TSPAN10: variants seen among roughly 807,000 people sequenced by gnomAD.
TSPAN10 encodes tetraspanin 10.
In TSPAN10, 11 loss-of-function variants were observed where a neutral mutation model predicts 15.0. The ratio of observed to expected loss-of-function variants is 0.73; its 90% CI spans 0.46 to 1.21. TSPAN10 has a LOEUF of 1.21. Among genes scored for constraint, TSPAN10 ranks in the 50% most tolerant of loss-of-function variants. The pLI, the probability that TSPAN10 is intolerant of heterozygous loss-of-function variation, is 0.00. For missense variants in TSPAN10, 486 were observed against 470.6 expected (o/e 1.03, Z -0.30); for synonymous variants, 241 against 226.2 (o/e 1.07, Z -0.59).
exon 3 of TSPAN10, chr17:81,647,947 G>C (rs746648286): frequency 6.2e-7 from 1 of 1,609,236 alleles, no homozygotes; most frequent in Non-Finnish European, 8.5e-7. Context: ...CAGCCTTCCC[G>C]CCTCCTGCTG....
chr17:81,639,351 G>GCA (rs2036156046), upstream of TSPAN10, among the ~76,000 whole-genome samples: 1 of 151,692 alleles, frequency 6.6e-6, no homozygotes, highest in African/African-American at 2.4e-5. Context: ...GAGATTACAA[G>GCA]CGTGCGCTAC....
chr17:81,642,628 G>A (rs9912071), intron 1 of TSPAN10, among the ~76,000 whole-genome samples, 180 bp downstream of exon 2: 97,169 of 152,104 alleles, frequency 0.64, 32,614 homozygotes, highest in East Asian at 0.99. Context: ...TCCCCACTGC[G>A]CAGTTCTCTC....
At chr17:81,648,718 T>C (rs1370485350), downstream of TSPAN10, 1 of 157,918 alleles carries the variant, frequency 6.3e-6, no homozygotes, top group African/African-American at 2.4e-5. Context: ...TATTCGGGTG[T>C]ATCATTCATA....
At chr17:81,647,864 C>T in intron 2 of TSPAN10, 37 bp from the exon 4 acceptor site, 2 of 1,577,998 alleles carry the variant, frequency 1.3e-6, no homozygotes, top group Non-Finnish European at 8.5e-7. Flanking sequence ...AGAGCGGGCC[C>T]TCCCCGCCAG....
intron 2 of TSPAN10, chr17:81,647,496 G>C (rs1186448811): frequency 4.1e-6 from 2 of 483,752 alleles, no homozygotes; most frequent in Admixed American, 4.6e-5. Flanking sequence ...AGTAAGACCT[G>C]TGGACCATTC....
intron 1 of TSPAN10, among the ~76,000 whole-genome samples, chr17:81,642,999 A>T (rs1598709384): frequency 4.5e-5 from 1 of 22,130 alleles, no homozygotes; most frequent in Non-Finnish European, 6.6e-5. Flanking sequence ...AAAATATTAT[A>T]TATATATATA....
rs1239944025 is a variant in TSPAN10 at position 81,644,563 on chromosome 17, G to A, written c.37-429G>A. Among the ~76,000 whole-genome samples the A allele has an allele frequency of 7.2e-5, 11 of 152,318 alleles. No individual in the cohort carries two copies. In the South Asian group the frequency reaches 1.2e-3, roughly 17 times the overall value. ...TGCAGGCACACACAGACTGATCCAC[G>A]CAGATGCTGTTTCAAACTCTGGGGA... is the stretch of plus-strand genomic sequence containing the variant. On this transcript the variant is annotated intron_variant, in intron 1 of 2. Coordinates refer to ENST00000611590, the Ensembl canonical transcript of TSPAN10.
upstream of TSPAN10, chr17:81,642,318 GC>G: frequency 6.8e-7 from 1 of 1,474,378 alleles, no homozygotes; most frequent in South Asian, 1.1e-5. Flanking sequence ...CTAGCCCAGG[GC>G]CGCAGTCAGG....
chr17:81,642,386 T>TG, upstream of TSPAN10: 1 of 1,613,466 alleles, frequency 6.2e-7, no homozygotes, highest in Non-Finnish European at 8.5e-7. Flanking sequence ...GCGCCTGTGC[T>TG]GGGGGCTTTC....
chr17:81,644,867 C>A, intron 1 of TSPAN10, 125 bp from the exon 3 acceptor site: 1 of 1,362,886 alleles, frequency 7.3e-7, no homozygotes, highest in Non-Finnish European at 1.0e-6. Flanking sequence ...TCCAGTGCTG[C>A]CCTCCGCCAT....
At chr17:81,637,933 CA>C (rs78949153), upstream of TSPAN10, 127 of 111,884 alleles carry the variant, frequency 1.1e-3, no homozygotes, top group Admixed American at 1.4e-3. Context: ...GACTTCATCT[CA>C]AAAAAAAAAA....
chr17:81,637,301 G>A (rs2036113922), exon 1 of TSPAN10: 2 of 648,782 alleles, frequency 3.1e-6, no homozygotes, highest in Non-Finnish European at 5.6e-6. Context: ...GTCCAAAAAG[G>A]AAGCAAAGAC....
At chr17:81,648,267 G>A (rs1241578107) in exon 3 of TSPAN10, 2 of 1,213,618 alleles carry the variant, frequency 1.6e-6, no homozygotes, top group Non-Finnish European at 2.0e-6. Flanking sequence ...CCGGCGCCCC[G>A]CCCGCTGCCA....
Position 81,645,634 on chromosome 17 carries a change from G to A in TSPAN10, c.674+5G>A. On this transcript the variant is annotated splice_donor_5th_base_variant and intron_variant, in intron 2 of 2. Coordinates refer to ENST00000611590, the Ensembl canonical transcript of TSPAN10. ...CCAGGACTGGCAGCAGAACCTGTGAGTCTTGGAGTGGGCGAGGGACAGGGC... is the reference window on the plus strand; with the variant it reads ...CCAGGACTGGCAGCAGAACCTGTGAATCTTGGAGTGGGCGAGGGACAGGGC... 2 of 1,611,466 alleles carry A rather than the reference G, an allele frequency of 1.2e-6. No individual in the cohort carries two copies. Among genetic ancestry groups the A allele is most frequent in the South Asian group, 1.1e-5 (1 of 90,812 alleles).
At chr17:81,637,572 A>C (rs946593072), upstream of TSPAN10, 22 of 544,294 alleles carry the variant, frequency 4.0e-5, no homozygotes, top group Non-Finnish European at 6.3e-5. Context: ...GCCAAGGTGG[A>C]CGGATCACCT....
At chr17:81,647,331 C>A in intron 2 of TSPAN10, 1 of 438,282 alleles carries the variant, frequency 2.3e-6, no homozygotes, top group Non-Finnish European at 4.6e-6. Context: ...GGCCCGTGTG[C>A]AGAGCCCCAG....
At chr17:81,648,066 C>T (rs539790323) in exon 3 of TSPAN10, 31 of 1,588,212 alleles carry the variant, frequency 2.0e-5, no homozygotes, top group Admixed American at 1.4e-4. Flanking sequence ...AGGGCTGCGG[C>T]CCGCCGCTCC....
Position 81,647,306 on chromosome 17 carries a change from C to T in TSPAN10, c.675-595C>T, listed in dbSNP as rs2036268164. 9.7e-6 allele frequency: 4 copies of T among 412,472 alleles called. No individual in the cohort carries two copies. In the Admixed American group the frequency reaches 1.1e-4, roughly 11 times the overall value. The allele number at this position is 412,472 out of a possible 1,614,324, so 25.6% of individuals were successfully genotyped here. A position where few individuals can be genotyped will look rare whatever the true frequency, so the allele number is the denominator to read the frequency against. The stretch of plus-strand genomic sequence containing the variant: ...AGAGTGGAGAGGGCATGGGGATGAG[C>T]CTGCAGGTCTGCTGGGCCCGTGTGC... On this transcript the variant is annotated intron_variant, in intron 2 of 2. Coordinates refer to ENST00000611590, the Ensembl canonical transcript of TSPAN10.
exon 3 of TSPAN10, chr17:81,648,041 G>A: frequency 1.3e-6 from 2 of 1,596,998 alleles, no homozygotes; most frequent in African/African-American, 1.3e-5. Flanking sequence ...GCAGCTCAGA[G>A]AGTGGTGTAC....
Sources: gnomAD v4.1 joint callset for allele counts (sites outside exome capture counted in the v4.1 genomes callset) on GRCh38, gnomAD v4.1.1 for gene constraint, MANE v1.5 for transcripts, NCBI Gene and HGNC (gene_info 2026-07-23, HGNC 2026-07-21) for gene names.